Variants in GRID1 observed in about 807,000 individuals in gnomAD.
GRID1 encodes glutamate receptor ionotropic, delta-1.
Under a neutral mutation model 98.0 loss-of-function variants are expected in GRID1, and 28 were observed. The observed-to-expected ratio is 0.29, with a 90% CI of 0.21 to 0.39. The LOEUF (loss-of-function observed/expected upper bound fraction) is 0.39, where lower values mean the gene tolerates loss of function less well. GRID1 is among the 10% of genes least tolerant of loss of function. GRID1 has a pLI of 1.00. For missense variants in GRID1, 1,111 were observed against 1,340.5 expected (o/e 0.83, Z 2.67); for synonymous variants, 553 against 538.5 (o/e 1.03, Z -0.37).
At chr10:86,271,740 T>C (rs1191638839) in intron 2 of GRID1, among the ~76,000 whole-genome samples, 1 of 151,234 alleles carries the variant, frequency 6.6e-6, no homozygotes, top group East Asian at 1.9e-4. Flanking sequence ...AGAAAAATAA[T>C]CAAAAAAGAG....
At chr10:86,104,302 C>T (rs929839128) in intron 4 of GRID1, among the ~76,000 whole-genome samples, 3 of 152,240 alleles carry the variant, frequency 2.0e-5, no homozygotes, top group Middle Eastern at 3.2e-3. Context: ...TGTGAAGTTC[C>T]CTCCAACTCT....
intron 12 of GRID1, among the ~76,000 whole-genome samples, chr10:85,681,058 A>G (rs2132596577): frequency 6.6e-6 from 1 of 152,320 alleles, no homozygotes; most frequent in South Asian, 2.1e-4. Context: ...TGACTACACT[A>G]AAAACCCAGA....
At chr10:86,233,899 T>C (rs879935746) in intron 2 of GRID1, among the ~76,000 whole-genome samples, 4 of 117,894 alleles carry the variant, frequency 3.4e-5, no homozygotes, top group Non-Finnish European at 6.5e-5. Context: ...ATTTGACCAA[T>C]GGGAGACACA....
At chr10:85,640,804 C>G (rs185520811) in intron 13 of GRID1, among the ~76,000 whole-genome samples, 2 of 152,218 alleles carry the variant, frequency 1.3e-5, no homozygotes, top group Admixed American at 1.3e-4. Context: ...CACATGCAAT[C>G]TAGTGCAAGA....
intron 3 of GRID1, among the ~76,000 whole-genome samples, chr10:86,150,888 C>T (rs752875727): frequency 2.0e-5 from 3 of 152,158 alleles, no homozygotes; most frequent in African/African-American, 7.2e-5. Flanking sequence ...AGATCCAGCA[C>T]CTTGATCTTG....
intron 3 of GRID1, among the ~76,000 whole-genome samples, chr10:86,176,948 A>T (rs760736416): frequency 2.6e-5 from 4 of 152,136 alleles, no homozygotes; most frequent in Non-Finnish European, 5.9e-5. Context: ...CAGTGATGTC[A>T]CCAGCCAAGA....
At chr10:85,612,907 G>GGCAA (rs1382268915) in intron 15 of GRID1, 2 of 153,486 alleles carry the variant, frequency 1.3e-5, no homozygotes, top group African/African-American at 4.8e-5. Context: ...GAGGGACAGG[G>GGCAA]GCAAGGCTGG....
intron 2 of GRID1, among the ~76,000 whole-genome samples, chr10:86,276,733 A>G (rs1589434836): frequency 1.3e-5 from 2 of 151,952 alleles, no homozygotes; most frequent in African/African-American, 2.4e-5. Flanking sequence ...CAAGTGTCCC[A>G]CCTGCCTCAA....
chr10:86,209,734 C>A (rs1415071216), intron 2 of GRID1, among the ~76,000 whole-genome samples: 1 of 152,122 alleles, frequency 6.6e-6, no homozygotes, highest in Non-Finnish European at 1.5e-5. Context: ...CTCCAATGCT[C>A]AATTGTGGAA....
chr10:86,080,409 AAG>A (rs1843953902), intron 4 of GRID1, among the ~76,000 whole-genome samples: 1 of 28,538 alleles, frequency 3.5e-5, no homozygotes, highest in African/African-American at 1.6e-4. Context: ...AAGGGAAGGG[AAG>A]GGGAGGGGAG....
At chr10:86,266,163 C>G in intron 2 of GRID1, among the ~76,000 whole-genome samples, 1 of 152,098 alleles carries the variant, frequency 6.6e-6, no homozygotes, top group East Asian at 1.9e-4. Flanking sequence ...CTGCTCCCAC[C>G]TCCCACCTCA....
intron 12 of GRID1, among the ~76,000 whole-genome samples, chr10:85,706,951 T>A (rs1158868465): frequency 4.6e-5 from 7 of 152,158 alleles, no homozygotes; most frequent in Admixed American, 6.5e-5. Context: ...CACCTTATAC[T>A]AAAATTAATT....
At chr10:85,606,590 G>C (rs191138393) in intron 15 of GRID1, 1 of 152,212 alleles carries the variant, frequency 6.6e-6, no homozygotes, top group Non-Finnish European at 1.5e-5. Context: ...TCCTGCTGCT[G>C]TCTGTGGGAG....
chr10:86,208,209 A>G (rs1334114411), intron 2 of GRID1, among the ~76,000 whole-genome samples: 3 of 152,160 alleles, frequency 2.0e-5, no homozygotes, highest in African/African-American at 4.8e-5. Context: ...CTCGCCTTGC[A>G]CCTGCATGAG....
chr10:86,250,618 TGG>T (rs1846807617), intron 2 of GRID1, among the ~76,000 whole-genome samples: 1 of 135,190 alleles, frequency 7.4e-6, no homozygotes, highest in Admixed American at 8.7e-5. Flanking sequence ...AGCCCCCGCC[TGG>T]CCAGCTGCCC....
Position 85,599,693 on chromosome 10 carries a change from G to A in GRID1, c.*2580C>T, listed in dbSNP as rs1340520364. The stretch of plus-strand genomic sequence containing the variant: ...AGCATGAAAAAAAGATACATTCTGA[G>A]CTGACACAGAAATCTGAGTTGGGAA... On this transcript the variant is annotated 3_prime_UTR_variant, in exon 16 of 16. Transcript: ENST00000327946. 1 of 148,438 alleles carries A rather than the reference G, an allele frequency of 6.7e-6. No individual in the cohort carries two copies. Among genetic ancestry groups the A allele is most frequent in the Non-Finnish European group, 1.5e-5 (1 of 67,452 alleles). 9.2% of individuals were successfully genotyped at this position (148,438 alleles called of 1,614,324 possible).
intron 4 of GRID1, among the ~76,000 whole-genome samples, chr10:86,097,846 T>C (rs1361329560): frequency 6.6e-6 from 1 of 152,224 alleles, no homozygotes; most frequent in African/African-American, 2.4e-5. Context: ...GAAGTTAATA[T>C]AACTTTCTCT....
intron 4 of GRID1, among the ~76,000 whole-genome samples, chr10:86,095,306 G>A (rs1211362730): frequency 3.3e-5 from 5 of 152,058 alleles, no homozygotes; most frequent in African/African-American, 4.8e-5. Flanking sequence ...CAAGGATTTC[G>A]TGACCAAGAA....
intron 8 of GRID1, among the ~76,000 whole-genome samples, chr10:85,828,382 G>A (rs982250975): frequency 6.6e-6 from 1 of 151,748 alleles, no homozygotes; most frequent in African/African-American, 2.4e-5. Context: ...CTAGAGAAAT[G>A]AGAAAAGAAA....
Sources: allele counts gnomAD v4.1 joint callset (sites outside exome capture counted in the v4.1 genomes callset), GRCh38; gene constraint gnomAD v4.1.1; transcripts MANE v1.5; gene names NCBI Gene and HGNC (gene_info 2026-07-23, HGNC 2026-07-21).